CNTN4: variants seen among roughly 807,000 people sequenced by gnomAD.
CNTN4 encodes contactin-4.
A neutral mutation model predicts 122.5 loss-of-function variants in CNTN4; 77 were observed. The ratio of observed to expected loss-of-function variants is 0.63; its 90% CI spans 0.52 to 0.76. CNTN4 has a LOEUF of 0.76. Among genes scored for constraint, CNTN4 ranks in the 30% least tolerant of loss-of-function variants. CNTN4 has a pLI of 0.00. For synonymous variants in CNTN4, 512 were observed against 447.0 expected (o/e 1.15, Z -1.83); for missense variants, 1,256 against 1,259.1 (o/e 1.00, Z 0.04).
intron 2 of CNTN4, among the ~76,000 whole-genome samples, chr3:2,330,169 T>C (rs1379090789): frequency 6.6e-6 from 1 of 152,180 alleles, no homozygotes; most frequent in African/African-American, 2.4e-5. Context: ...GCTTTACTTA[T>C]ATTTACTGGT....
chr3:2,270,908 G>A (rs947538089), intron 2 of CNTN4, among the ~76,000 whole-genome samples: 1 of 152,100 alleles, frequency 6.6e-6, no homozygotes, highest in Non-Finnish European at 1.5e-5. Context: ...GTTCACAGGC[G>A]TGCAGGCTGT....
chr3:2,287,763 G>C (rs2948693), intron 2 of CNTN4, among the ~76,000 whole-genome samples: 2 of 145,224 alleles, frequency 1.4e-5, no homozygotes, highest in Non-Finnish European at 3.0e-5. Context: ...AGAAGAAGAA[G>C]AAGAAGAAGA....
At chr3:2,427,650 C>G (rs934228774) in intron 3 of CNTN4, among the ~76,000 whole-genome samples, 7 of 152,056 alleles carry the variant, frequency 4.6e-5, no homozygotes, top group Non-Finnish European at 8.8e-5. Flanking sequence ...CCTCATGGAT[C>G]TGTCTAATAT....
chr3:2,649,353 G>A (rs918958438), intron 4 of CNTN4, among the ~76,000 whole-genome samples: 1 of 152,216 alleles, frequency 6.6e-6, no homozygotes, highest in African/African-American at 2.4e-5. Flanking sequence ...TTACTTTCTT[G>A]TTAGGGGTTA....
chr3:2,784,705 C>G (rs1249341326), intron 6 of CNTN4, among the ~76,000 whole-genome samples: 1 of 152,180 alleles, frequency 6.6e-6, no homozygotes, highest in East Asian at 1.9e-4. Flanking sequence ...GGATTAAAAT[C>G]CCAGCTGTGC....
intron 2 of CNTN4, among the ~76,000 whole-genome samples, chr3:2,188,132 C>T (rs2037361921): frequency 6.6e-6 from 1 of 152,124 alleles, no homozygotes; most frequent in Non-Finnish European, 1.5e-5. Flanking sequence ...ATTCCCTAGG[C>T]AGAATTTTCT....
intron 6 of CNTN4, among the ~76,000 whole-genome samples, chr3:2,799,666 G>A (rs989681024): frequency 4.6e-5 from 7 of 152,166 alleles, no homozygotes; most frequent in East Asian, 1.9e-4. Flanking sequence ...ATTTCGCCAC[G>A]TTTGCCAGGC....
chr3:2,173,116 T>TTG (rs2036590032), intron 2 of CNTN4, among the ~76,000 whole-genome samples: 1 of 152,206 alleles, frequency 6.6e-6, no homozygotes, highest in South Asian at 2.1e-4. Context: ...ATCTCAATGA[T>TTG]TAGCATTAGA....
At chr3:2,994,642 C>T (rs1026072641) in intron 14 of CNTN4, among the ~76,000 whole-genome samples, 1 of 147,156 alleles carries the variant, frequency 6.8e-6, no homozygotes, top group Non-Finnish European at 1.5e-5. Flanking sequence ...TGTACCAGCA[C>T]CAAAGAGTAT....
chr3:2,636,924 G>GT (rs57301957), intron 4 of CNTN4, among the ~76,000 whole-genome samples: 1,955 of 98,128 alleles, frequency 0.02, 7 homozygotes, highest in East Asian at 0.034. Flanking sequence ...TTCTTTCTTT[G>GT]TTTTTTTTTT....
At chr3:2,108,277 C>A (rs1297067357) in intron 2 of CNTN4, among the ~76,000 whole-genome samples, 1 of 150,448 alleles carries the variant, frequency 6.6e-6, no homozygotes, top group Non-Finnish European at 1.5e-5. Flanking sequence ...ACTCAAGTAT[C>A]ACTAAGTTAA....
At chr3:3,019,557 A>G (rs1698080488) in intron 14 of CNTN4, among the ~76,000 whole-genome samples, 1 of 151,876 alleles carries the variant, frequency 6.6e-6, no homozygotes, top group Non-Finnish European at 1.5e-5. Flanking sequence ...AGCCTCCCAA[A>G]GTGCTAGGAT....
Position 2,272,595 on chromosome 3 carries a change from T to G in CNTN4, c.-144-66583T>G, listed in dbSNP as rs115043506. On this transcript the variant is annotated intron_variant, in intron 2 of 24. Transcript: ENST00000418658. ...AGATATGAGAATATTTCCAGTTGAA[T>G]TTTAAAATGAAAACCTCATTATTCT... Among the ~76,000 whole-genome samples the G allele has an allele frequency of 4.5e-3, 687 of 152,334 alleles. 6 individuals are homozygous for G. Among genetic ancestry groups the G allele is most frequent in the African/African-American group, 0.016 (654 of 41,570 alleles).
At chr3:2,662,431 G>A (rs980320187) in intron 4 of CNTN4, among the ~76,000 whole-genome samples, 3 of 152,158 alleles carry the variant, frequency 2.0e-5, no homozygotes, top group African/African-American at 7.2e-5. Flanking sequence ...ACATCCAGCT[G>A]CTAAACAGGA....
chr3:2,575,331 G>C (rs2079611525), intron 4 of CNTN4, among the ~76,000 whole-genome samples: 1 of 152,024 alleles, frequency 6.6e-6, no homozygotes, highest in Admixed American at 6.6e-5. Flanking sequence ...GGCCAACATG[G>C]CGAAACCCAG....
At chr3:2,737,743 C>T (rs1448965311) in intron 5 of CNTN4, among the ~76,000 whole-genome samples, 1 of 152,084 alleles carries the variant, frequency 6.6e-6, no homozygotes. Context: ...AAGACAAAGC[C>T]TAGACAACCC....
At chr3:2,134,260 C>T (rs923786119) in intron 2 of CNTN4, among the ~76,000 whole-genome samples, 8 of 152,188 alleles carry the variant, frequency 5.3e-5, no homozygotes, top group Admixed American at 5.2e-4. Context: ...AATAAAGATT[C>T]TCTGTCCCCA....
chr3:2,664,226 G>A lies in CNTN4; in HGVS notation c.56-71989G>A, dbSNP rs550246447. Reference sequence around the variant, plus strand: ...ACCAAAAAAGGAAAGTAGAACCAGTGAAGTTTGGGGTAATAGAAATACATA... The same window carrying A: ...ACCAAAAAAGGAAAGTAGAACCAGTAAAGTTTGGGGTAATAGAAATACATA... On this transcript the variant is annotated intron_variant, in intron 4 of 24. Transcript: ENST00000418658. 4.6e-5 allele frequency among the ~76,000 whole-genome samples: 7 copies of A among 152,306 alleles called. No individual in the cohort carries two copies. The East Asian group carries it at 7.7e-4, about 17-fold the overall frequency.
At chr3:2,371,511 G>A (rs1157928816) in intron 3 of CNTN4, among the ~76,000 whole-genome samples, 2 of 152,066 alleles carry the variant, frequency 1.3e-5, no homozygotes, top group Admixed American at 6.5e-5. Context: ...AAGAGCACCC[G>A]ATTTTGTCCG....
Sources: gnomAD v4.1 joint callset for allele counts (sites outside exome capture counted in the v4.1 genomes callset) on GRCh38, gnomAD v4.1.1 for gene constraint, MANE v1.5 for transcripts, NCBI Gene and HGNC (gene_info 2026-07-23, HGNC 2026-07-21) for gene names.